Variants in SLC10A7 observed in about 807,000 individuals in gnomAD.
The protein encoded by SLC10A7 is solute carrier family 10 member 7, also known as sodium/bile acid cotransporter 7.
In SLC10A7, 29 loss-of-function variants were observed where a neutral mutation model predicts 43.2. The observed-to-expected ratio is 0.67, with a 90% CI of 0.50 to 0.92. The LOEUF is 0.92. SLC10A7 is among the 40% of genes least tolerant of loss of function. SLC10A7 has a pLI of 0.00. For synonymous variants in SLC10A7, 152 were observed against 144.8 expected (o/e 1.05, Z -0.35); for missense variants, 295 against 403.2 (o/e 0.73, Z 2.30).
At chr4:146,424,780 C>T (rs1278855202) in intron 5 of SLC10A7, among the ~76,000 whole-genome samples, 2 of 152,058 alleles carry the variant, frequency 1.3e-5, no homozygotes, top group Non-Finnish European at 2.9e-5. Context: ...GCATTTCTAG[C>T]TACAACATTA....
rs140121466 is a variant in SLC10A7, at chr4:146,357,897, A to T, written c.436-31901T>A. ...TGGCAGTTTTCCTACAGGTCAAGTA[A>T]CCCGAAAAAGAGAAAAGGACTTGAG... On this transcript the variant is annotated intron_variant, in intron 5 of 11. Transcript: ENST00000335472. Among the ~76,000 whole-genome samples, 851 of 152,218 alleles carry T rather than the reference A, an allele frequency of 5.6e-3. 5 individuals carry two copies. The highest frequency in any genetic ancestry group is 0.017 in the South Asian group (80 of 4,820).
chr4:146,364,944 T>C (rs1314329584), intron 5 of SLC10A7, among the ~76,000 whole-genome samples: 1 of 152,060 alleles, frequency 6.6e-6, no homozygotes, highest in Non-Finnish European at 1.5e-5. Context: ...TAAAAAAATT[T>C]ACCAATACAC....
intron 5 of SLC10A7, among the ~76,000 whole-genome samples, chr4:146,387,733 T>A (rs1738115553): frequency 6.6e-6 from 1 of 152,156 alleles, no homozygotes; most frequent in Non-Finnish European, 1.5e-5. Flanking sequence ...TCAACAAAGT[T>A]TCAGGATACA....
intron 4 of SLC10A7, among the ~76,000 whole-genome samples, chr4:146,470,745 T>C (rs1365320921): frequency 1.3e-5 from 2 of 152,220 alleles, no homozygotes; most frequent in Admixed American, 1.3e-4. Flanking sequence ...CTATGGAGCC[T>C]ATAACTAGCC....
chr4:146,514,467 A>C (rs958381334), intron 2 of SLC10A7: 3 of 152,208 alleles, frequency 2.0e-5, no homozygotes, highest in African/African-American at 7.2e-5. Flanking sequence ...AATACAACAA[A>C]ATTTCAAAAA....
intron 6 of SLC10A7, among the ~76,000 whole-genome samples, chr4:146,323,650 G>A (rs1732895381): frequency 6.6e-6 from 1 of 152,142 alleles, no homozygotes; most frequent in South Asian, 2.1e-4. Context: ...TTGAAGTCAG[G>A]TAGCGTGATG....
At chr4:146,510,246 G>C (rs181404022) in intron 2 of SLC10A7, among the ~76,000 whole-genome samples, 197 bp from the exon 3 acceptor site, 1 of 147,878 alleles carries the variant, frequency 6.8e-6, no homozygotes, top group African/African-American at 2.5e-5. Flanking sequence ...AAGTATTTTT[G>C]TTTAAAATTT....
At position 146,475,509 on chromosome 4, in the gene SLC10A7, C is replaced by T. The variant is rs188358496; in HGVS notation, c.396+28340G>A. Among the ~76,000 whole-genome samples the T allele has an allele frequency of 3.8e-3, 576 of 152,280 alleles. 5 individuals are homozygous for T. Among genetic ancestry groups the T allele is most frequent in the Admixed American group, 4.1e-3 (62 of 15,294 alleles). ...CATTTTTGTTCCCCAAACATCCTTG[C>T]CTTCCACGATTGCCCTTCTTGAGCA... On this transcript the variant is annotated intron_variant, in intron 4 of 11. Transcript: ENST00000335472.
intron 4 of SLC10A7, among the ~76,000 whole-genome samples, chr4:146,482,136 T>A (rs1056858731): frequency 1.3e-5 from 2 of 152,102 alleles, no homozygotes; most frequent in African/African-American, 4.8e-5. Context: ...TGAAAGCCAC[T>A]CTATAAAGTT....
rs1735479089 is a variant in SLC10A7, at chr4:146,491,895, A to C, written c.396+11954T>G. ...TCTGCTTGAAAATCTCATTGCACTA[A>C]ACAGGATGTTCTCATTAAATACTTA... On this transcript the variant is annotated intron_variant, in intron 4 of 11. Transcript: ENST00000335472. 2.0e-5 allele frequency among the ~76,000 whole-genome samples: 3 copies of C among 152,130 alleles called. No individual in the cohort carries two copies. The South Asian group carries it at 6.2e-4, about 32-fold the overall frequency.
At chr4:146,256,600 AT>A in intron 11 of SLC10A7, 80 bp from the exon 12 acceptor site, 1 of 1,489,232 alleles carries the variant, frequency 6.7e-7, no homozygotes. Context: ...CAGATAATTT[AT>A]GCTATTAGAA....
intron 4 of SLC10A7, among the ~76,000 whole-genome samples, chr4:146,488,938 C>G (rs537865152): frequency 6.6e-6 from 1 of 152,280 alleles, no homozygotes; most frequent in Non-Finnish European, 1.5e-5. Flanking sequence ...TATTCAAATA[C>G]ATTTCCTGTG....
chr4:146,483,468 T>A (rs1734660586), intron 4 of SLC10A7, among the ~76,000 whole-genome samples: 1 of 151,372 alleles, frequency 6.6e-6, no homozygotes, highest in African/African-American at 2.4e-5. Context: ...AAACCCTACA[T>A]CATATATACA....
chr4:146,455,141 A>T (rs1731938301), intron 4 of SLC10A7, among the ~76,000 whole-genome samples: 1 of 151,874 alleles, frequency 6.6e-6, no homozygotes, highest in African/African-American at 2.4e-5. Flanking sequence ...TTAAGCAAAC[A>T]CAAAAATAAA....
At chr4:146,387,445 T>C (rs1710009116) in intron 5 of SLC10A7, among the ~76,000 whole-genome samples, 1 of 152,006 alleles carries the variant, frequency 6.6e-6, no homozygotes, top group African/African-American at 2.4e-5. Context: ...TCACAACAAA[T>C]GAGGCATCAA....
intron 5 of SLC10A7, among the ~76,000 whole-genome samples, chr4:146,427,774 T>C (rs1729477866): frequency 6.6e-6 from 1 of 152,254 alleles, no homozygotes; most frequent in African/African-American, 2.4e-5. Context: ...AAATCTGTCC[T>C]GCTCTTCATT....
chr4:146,288,328 T>C (rs1185862531), intron 9 of SLC10A7, among the ~76,000 whole-genome samples: 1 of 152,210 alleles, frequency 6.6e-6, no homozygotes, highest in East Asian at 1.9e-4. Context: ...ATAAGCATTA[T>C]TGAGCATTTT....
At chr4:146,369,006 G>A (rs6537417) in intron 5 of SLC10A7, among the ~76,000 whole-genome samples, 73,216 of 151,974 alleles carry the variant, frequency 0.48, 17,998 homozygotes, top group East Asian at 0.62. Context: ...TTGATGACCT[G>A]CAACACCTAT....
intron 5 of SLC10A7, among the ~76,000 whole-genome samples, chr4:146,386,009 G>A (rs1355700901): frequency 6.6e-6 from 1 of 152,050 alleles, no homozygotes; most frequent in Non-Finnish European, 1.5e-5. Context: ...TTGATTCCAT[G>A]TTTTTGCTAT....
Sources: allele counts gnomAD v4.1 joint callset (sites outside exome capture counted in the v4.1 genomes callset), GRCh38; gene constraint gnomAD v4.1.1; transcripts MANE v1.5; gene names NCBI Gene and HGNC (gene_info 2026-07-23, HGNC 2026-07-21).